The following C11orf21 variants were observed in gnomAD, a reference collection of about 807,000 sequenced individuals.
The protein encoded by C11orf21 is uncharacterized protein C11orf21.
A neutral mutation model predicts 15.2 loss-of-function variants in C11orf21; 19 were observed. That is an observed-to-expected ratio of 1.25 (90% CI 0.87 to 1.84). The LOEUF is 1.84. Ranked by LOEUF, C11orf21 falls within the 40% of genes most tolerant of loss-of-function variation. The probability of loss-of-function intolerance (pLI) is 0.00; values close to 1 mark genes in which losing one functional copy is unlikely to be tolerated. For missense variants in C11orf21, 171 were observed against 174.4 expected, an observed-to-expected ratio of 0.98 and a Z score of 0.11; for synonymous variants, 62 against 66.8, an observed-to-expected ratio of 0.93 and a Z score of 0.35.
At chr11:2,298,443 CA>C (rs1265486111) in intron 3 of C11orf21, among the ~76,000 whole-genome samples, 1 of 152,216 alleles carries the variant, frequency 6.6e-6, no homozygotes, top group Non-Finnish European at 1.5e-5. Context: ...AGGAATGGGG[CA>C]GGAAGCTTCT....
At chr11:2,302,109 G>C (rs1306789663), upstream of C11orf21, 1 of 1,485,812 alleles carries the variant, frequency 6.7e-7, no homozygotes, top group East Asian at 2.4e-5. Context: ...AAACCACAGG[G>C]AGGGGAAGGG....
chr11:2,301,221 T>C, intron 1 of C11orf21: 3 of 231,112 alleles, frequency 1.3e-5, no homozygotes, highest in South Asian at 5.5e-5. Flanking sequence ...TGGGGCCCCC[T>C]CCCCCTTGAT....
Position 2,301,753 on chromosome 11 carries a change from C to A in C11orf21, c.53+3G>T, listed in dbSNP as rs546213382. The stretch of plus-strand genomic sequence containing the variant: ...TTGCTCACTCCCAGGACGGGGAGCT[C>A]ACCTCCTCCTCCCCGGGCGCCGTCT... On this transcript the variant is annotated splice_donor_region_variant and intron_variant, in intron 1 of 3. Transcript: ENST00000381153. The A allele has an allele frequency of 6.5e-7, 1 of 1,544,738 alleles. No homozygotes were observed.
At chr11:2,299,373 G>T (rs1847615521) in intron 3 of C11orf21, 55 bp downstream of exon 3, 15 of 1,497,904 alleles carry the variant, frequency 1.0e-5, no homozygotes, top group Non-Finnish European at 1.2e-5. Flanking sequence ...GAGGGGCCGC[G>T]CTCACAGACA....
chr11:2,300,085 GTGTGGGGTGGGCAGGGGTT>G, intron 2 of C11orf21, among the ~76,000 whole-genome samples: 1 of 123,148 alleles, frequency 8.1e-6, no homozygotes, highest in African/African-American at 3.1e-5. Context: ...GGGCAGGGGT[GTGTGGGGTGGGCAGGGGTT>G]TGTGAGGGTG....
In C11orf21 at chr11:2,300,532, G is replaced by A. The variant is rs1156564548; in HGVS notation, c.135C>T (p.Pro45=). The A allele has an allele frequency of 1.0e-5, 16 of 1,547,964 alleles. No homozygotes were observed. Among genetic ancestry groups the A allele is most frequent in the Non-Finnish European group, 1.4e-5 (16 of 1,145,992 alleles). ...GCTGTGGTCAGACCTGGTCTCTGGA[G>A]GGCCAGCCGGGGGTTCCCGTCCACC... ...PDRWTGTPGW[P]SRDQEAPGSM... The change falls in exon 2 of 4, where the codon CCC becomes CCT. Residue 45 remains proline (P), a synonymous_variant. Coordinates refer to ENST00000381153, the MANE Select transcript of C11orf21 (RefSeq NM_001329958.2).
intron 1 of C11orf21, chr11:2,301,028 G>A: frequency 1.9e-6 from 1 of 513,142 alleles, no homozygotes; most frequent in Non-Finnish European, 3.5e-6. Flanking sequence ...GAGCTGCAGA[G>A]GGTGCTGCCT....
intron 1 of C11orf21, chr11:2,301,277 C>T (rs1377192052): frequency 2.0e-5 from 4 of 195,968 alleles, no homozygotes; most frequent in East Asian, 1.4e-4. Context: ...CACCGAGGGG[C>T]GAGCAGAGCC....
rs763452201 is a variant in C11orf21 at position 2,300,575 on chromosome 11, C to A, written c.92G>T (p.Gly31Val). ...PRWPHLSSQS[G>V]VEPPDRWTGT... is the part of the protein sequence containing the mutation. ...CGTCCACCTGTCAGGGGGTTCGACG[C>A]CACTTTGAGATGACAAGTGAGGCCA... The change falls in exon 2 of 4, where the codon GGC becomes GTC. Residue 31 changes from glycine (G) to valine (V), a missense_variant. Physicochemically the swap from Gly to Val is moderately radical, Grantham distance 109 (BLOSUM62 -3). Coordinates refer to ENST00000381153, the MANE Select transcript of C11orf21 (RefSeq NM_001329958.2). 2 of 1,550,012 alleles carry A rather than the reference C, an allele frequency of 1.3e-6. No individual in the cohort carries two copies. The highest frequency in any genetic ancestry group is 2.4e-5 in the South Asian group (2 of 84,056).
In C11orf21 at chr11:2,295,820, CTG is replaced by C. The variant is rs1282907108; in HGVS notation, c.*2128_*2129del. 2.6e-5 allele frequency: 4 copies of C among 152,190 alleles called. No homozygotes were observed. The highest frequency in any genetic ancestry group is 5.9e-5 in the Non-Finnish European group (4 of 68,038). The allele number at this position is 152,190 out of a possible 1,614,324, so 9.4% of individuals were successfully genotyped here. A position where few individuals can be genotyped will look rare whatever the true frequency, so the allele number is the denominator to read the frequency against. ...TTCAAGATATGAATAATAAGGGAAA[CTG>C]TGTGTAGGGAGAGATGCTATATGAG... On this transcript the variant is annotated 3_prime_UTR_variant, in exon 4 of 4. Coordinates refer to ENST00000381153, the MANE Select transcript of C11orf21 (RefSeq NM_001329958.2). The surrounding 1 kb of genome is among the most constrained non-coding windows in gnomAD (Gnocchi z 5.4).
rs1174295139 is a variant in C11orf21 at position 2,299,677 on chromosome 11, C to T, written c.178G>A (p.Ala60Thr). ...EAPGSMMPPA[A>T]AQPSAHGALV... ...GCACCATGGGCGGAGGGTTGGGCAG[C>T]TGCAGGTGGCATCATTGAGCCAGGG... The change falls in exon 3 of 4, where the codon GCT becomes ACT. Residue 60 changes from alanine (A) to threonine (T), a missense_variant. Ala to Thr is a moderately conservative substitution (Grantham distance 58, BLOSUM62 0). Coordinates refer to ENST00000381153, the MANE Select transcript of C11orf21 (RefSeq NM_001329958.2). 5 of 1,550,868 alleles carry T rather than the reference C, an allele frequency of 3.2e-6. No homozygotes were observed. The South Asian group carries it at 4.8e-5, about 15-fold the overall frequency.
chr11:2,301,961 C>T (rs1338666703), upstream of C11orf21: 11 of 1,493,280 alleles, frequency 7.4e-6, no homozygotes, highest in East Asian at 2.5e-4. Context: ...AACCTCACTG[C>T]CCCTCCCCTT....
upstream of C11orf21, among the ~76,000 whole-genome samples, chr11:2,302,532 C>T (rs540966768): frequency 1.3e-5 from 2 of 152,162 alleles, no homozygotes; most frequent in Admixed American, 6.5e-5. Context: ...CTTCCTGCCC[C>T]GGAGGGTGCT....
intron 2 of C11orf21, among the ~76,000 whole-genome samples, chr11:2,300,141 G>T (rs1379702208): frequency 1.9e-5 from 1 of 53,668 alleles, no homozygotes. Flanking sequence ...GTGGGCAGGG[G>T]TGTGTGGGGT....
intron 1 of C11orf21, chr11:2,301,399 C>T: frequency 4.5e-6 from 1 of 222,802 alleles, no homozygotes; most frequent in Admixed American, 5.2e-5. Flanking sequence ...GGAAACCCTG[C>T]CTGTACTGGG....
rs1326609411 is a variant in C11orf21 at position 2,297,702 on chromosome 11, A to C, written c.*248T>G. 2.0e-5 allele frequency: 3 copies of C among 152,182 alleles called. No homozygotes were observed. Among genetic ancestry groups the C allele is most frequent in the Non-Finnish European group, 4.4e-5 (3 of 68,040 alleles). 9.4% of individuals were successfully genotyped at this position (152,182 alleles called of 1,614,324 possible). A position where few individuals can be genotyped will look rare whatever the true frequency, so the allele number is the denominator to read the frequency against. ...TGTTTAGTAGACATGAGGTGAGTGA[A>C]TGAATGAATGAATGAATGAGTGCTG... On this transcript the variant is annotated 3_prime_UTR_variant, in exon 4 of 4. Coordinates refer to ENST00000381153, the MANE Select transcript of C11orf21 (RefSeq NM_001329958.2).
chr11:2,301,968 C>T (rs734095), upstream of C11orf21: 10 of 1,490,180 alleles, frequency 6.7e-6, no homozygotes, highest in Admixed American at 1.5e-4. Flanking sequence ...CTGCCCCTCC[C>T]CTTCCTGCCT....
chr11:2,299,774 G>A, intron 2 of C11orf21, 67 bp from the exon 3 acceptor site: 6 of 1,534,438 alleles, frequency 3.9e-6, no homozygotes, highest in Admixed American at 2.0e-5. Context: ...AGGAAGGAGA[G>A]AGGAAAAAGG....
At chr11:2,298,649 G>A (rs968652524) in intron 3 of C11orf21, among the ~76,000 whole-genome samples, 7 of 152,160 alleles carry the variant, frequency 4.6e-5, no homozygotes, top group African/African-American at 1.4e-4. Context: ...ACGGGGTGCC[G>A]AGTCTCAGCC....
Sources: gnomAD v4.1 joint callset for allele counts (sites outside exome capture counted in the v4.1 genomes callset) on GRCh38, gnomAD v4.1.1 for gene constraint, Gnocchi (gnomAD v3.1) non-coding constraint, MANE v1.5 for transcripts, NCBI Gene and HGNC (gene_info 2026-07-23, HGNC 2026-07-21) for gene names.